LRP5: variants seen among roughly 807,000 people sequenced by gnomAD.
LRP5 encodes low-density lipoprotein receptor-related protein 5.
A neutral mutation model predicts 154.1 loss-of-function variants in LRP5; 62 were observed. That is an observed-to-expected ratio of 0.40 (90% CI 0.33 to 0.50). The LOEUF is 0.50. Among genes scored for constraint, LRP5 ranks in the 20% least tolerant of loss-of-function variants. LRP5 has a pLI of 0.55. For synonymous variants in LRP5, 966 were observed against 1,011.5 expected (o/e 0.96, Z 0.85); for missense variants, 1,915 against 2,336.7 (o/e 0.82, Z 3.72).
rs369936729 is a variant in LRP5 at position 68,414,035 on chromosome 11, C to T, written c.2827+23C>T. 8.2e-6 allele frequency: 13 copies of T among 1,594,868 alleles called. No homozygotes were observed. In the African/African-American group the frequency reaches 1.7e-4, roughly 21 times the overall value. ...GCCGTAAGTGCCTCATGGTCCCCCG[C>T]ACCTCACTCCCTCGTTAGATCAGGC... On this transcript the variant is annotated intron_variant, in intron 12 of 22. Transcript: ENST00000294304.
At position 68,386,666 on chromosome 11, in the gene LRP5, G is replaced by A; in HGVS notation, c.1366G>A (p.Glu456Lys). 1 of 1,613,526 alleles carries A rather than the reference G, an allele frequency of 6.2e-7. No individual in the cohort carries two copies. The highest frequency in any genetic ancestry group is 8.5e-7 in the Non-Finnish European group (1 of 1,179,944). ...CACCTCCCGCAAGATCCTGGTGTCG[G>A]AGGACCTGGACGAGCCCCGAGCCAT... ...NGTSRKILVS[E>K]DLDEPRAIAL... is the part of the protein sequence containing the mutation. Residue 456 changes from glutamate (E) to lysine (K), a missense_variant, in exon 6 of 23, where the codon GAG becomes AAG. Glu to Lys is a moderately conservative substitution (Grantham distance 56). Coordinates refer to ENST00000294304, the MANE Select transcript of LRP5 (RefSeq NM_002335.4). The surrounding 1 kb of genome is among the most constrained non-coding windows in gnomAD (Gnocchi z 7.9).
chr11:68,420,374 T>C (rs2098664891), intron 13 of LRP5, among the ~76,000 whole-genome samples: 1 of 152,204 alleles, frequency 6.6e-6, no homozygotes, highest in African/African-American at 2.4e-5. Flanking sequence ...TGTTATAGCC[T>C]GTGTCAGAAT....
At chr11:68,380,163 G>A (rs536549678) in intron 5 of LRP5, among the ~76,000 whole-genome samples, 4 of 152,214 alleles carry the variant, frequency 2.6e-5, no homozygotes, top group Non-Finnish European at 5.9e-5. Context: ...CTTCTTGTAC[G>A]AGGGTCATTT....
intron 17 of LRP5, among the ~76,000 whole-genome samples, chr11:68,430,452 G>A (rs765462571): frequency 2.6e-5 from 4 of 152,216 alleles, no homozygotes; most frequent in African/African-American, 4.8e-5. Flanking sequence ...GATTATAGGC[G>A]TGAGCCACTG....
intron 22 of LRP5, 80 bp from the exon 23 acceptor site, chr11:68,448,729 G>C: frequency 6.4e-7 from 1 of 1,565,776 alleles, no homozygotes; most frequent in Non-Finnish European, 8.7e-7. Context: ...GGCCTTTCCC[G>C]TTCACAGCCC....
intron 7 of LRP5, among the ~76,000 whole-genome samples, chr11:68,396,652 C>G (rs932823743): frequency 1.3e-5 from 2 of 152,204 alleles, no homozygotes; most frequent in African/African-American, 4.8e-5. Context: ...TGGGAGGCCC[C>G]TCCTGCTGGC....
intron 4 of LRP5, among the ~76,000 whole-genome samples, chr11:68,365,098 C>T (rs1245627333): frequency 6.6e-6 from 1 of 152,156 alleles, no homozygotes; most frequent in Non-Finnish European, 1.5e-5. Context: ...ACAAGACAAG[C>T]CTTTTGCCCA....
chr11:68,416,345 C>G lies in LRP5; in HGVS notation c.2845C>G (p.Leu949Val). Residue 949 changes from leucine to valine, a missense_variant, in exon 13 of 23, where the codon CTG becomes GTG. Coordinates refer to ENST00000294304, the MANE Select transcript of LRP5 (RefSeq NM_002335.4). ...RNCSPPTTFL[L>V]FSQKSAISRM... ...TCCTCTAGCGCCCACCACCTTCTTG[C>G]TGTTCAGCCAGAAATCTGCCATCAG... 2 of 1,614,124 alleles carry G rather than the reference C, an allele frequency of 1.2e-6. No individual in the cohort carries two copies. Among genetic ancestry groups the G allele is most frequent in the African/African-American group, 2.7e-5 (2 of 75,050 alleles).
chr11:68,337,203 G>A (rs1565326277), intron 1 of LRP5, among the ~76,000 whole-genome samples: 2 of 152,180 alleles, frequency 1.3e-5, no homozygotes, highest in Non-Finnish European at 2.9e-5. Flanking sequence ...CCTTGTTTTT[G>A]CACATCATGC....
intron 7 of LRP5, among the ~76,000 whole-genome samples, chr11:68,401,056 C>G (rs931917704): frequency 6.6e-6 from 1 of 152,146 alleles, no homozygotes; most frequent in Admixed American, 6.6e-5. Context: ...GGAAAGGGTT[C>G]GCCCGCTACT....
chr11:68,420,582 T>C (rs1391996194), intron 13 of LRP5, among the ~76,000 whole-genome samples: 1 of 151,952 alleles, frequency 6.6e-6, no homozygotes, highest in Non-Finnish European at 1.5e-5. Context: ...CGCGCACCTG[T>C]AATCCCAGTT....
In LRP5 at chr11:68,343,821, C is replaced by G. The variant is rs117064831; in HGVS notation, c.92-4026C>G. Among the ~76,000 whole-genome samples, 1,262 of 152,310 alleles carry G rather than the reference C, an allele frequency of 8.3e-3. 10 individuals are homozygous for G. The highest frequency in any genetic ancestry group is 0.014 in the Non-Finnish European group (927 of 68,020). On this transcript the variant is annotated intron_variant, in intron 1 of 22. Transcript: ENST00000294304. ...TGATTCCTGTGTGCCTGCAGACCCC[C>G]TCGCGGCTGCCATCTCATCCTTTGG... is the stretch of plus-strand genomic sequence containing the variant.
In LRP5 at chr11:68,439,783, C is replaced by T; in HGVS notation, c.4355C>T (p.Ala1452Val). ...GSQHGPFTGI[A>V]CGKSMMSSVS... ...CCCGTCCCTTCCCTGCCAGGCATCG[C>T]ATGCGGAAAGTCCATGATGAGCTCC... is the stretch of plus-strand genomic sequence containing the variant. Residue 1452 changes from alanine (A) to valine (V), a missense_variant, in exon 21 of 23, where the codon GCA becomes GTA. By Grantham distance (64) the Ala-to-Val change is moderately conservative (BLOSUM62 0). Coordinates refer to ENST00000294304, the MANE Select transcript of LRP5 (RefSeq NM_002335.4). The T allele has an allele frequency of 6.2e-7, 1 of 1,611,144 alleles. No individual in the cohort carries two copies. Among genetic ancestry groups the T allele is most frequent in the Non-Finnish European group, 8.5e-7 (1 of 1,179,440 alleles).
At chr11:68,388,774 C>G (rs2098644425) in intron 6 of LRP5, among the ~76,000 whole-genome samples, 1 of 152,194 alleles carries the variant, frequency 6.6e-6, no homozygotes, top group South Asian at 2.1e-4. Flanking sequence ...GGGAGATGAG[C>G]TCTTGGCCCC....
At position 68,410,721 on chromosome 11, in the gene LRP5, G is replaced by A. The variant is rs1005005242; in HGVS notation, c.2318+581G>A. On this transcript the variant is annotated intron_variant, in intron 10 of 22. Transcript: ENST00000294304. ...GGCCCTGCCTTGGGCACGGGGTTCAGACAGGCCCCAGATGTGTGGGGCGTC... is the reference window on the plus strand; with the variant it reads ...GGCCCTGCCTTGGGCACGGGGTTCAAACAGGCCCCAGATGTGTGGGGCGTC... 3.3e-5 allele frequency among the ~76,000 whole-genome samples: 5 copies of A among 152,302 alleles called. No individual in the cohort carries two copies. The East Asian group carries it at 7.7e-4, about 24-fold the overall frequency.
chr11:68,366,539 G>GGTGT (rs147979632), intron 5 of LRP5, among the ~76,000 whole-genome samples: 1 of 152,092 alleles, frequency 6.6e-6, no homozygotes, highest in Non-Finnish European at 1.5e-5. Context: ...CAGCGGCTGG[G>GGTGT]GTGTGTGTGT....
chr11:68,386,223 G>A lies in LRP5; in HGVS notation c.1016-93G>A, dbSNP rs1206397552. 2.3e-5 allele frequency: 35 copies of A among 1,511,564 alleles called. No individual in the cohort carries two copies. The highest frequency in any genetic ancestry group is 3.2e-5 in the Non-Finnish European group (35 of 1,102,150). 93.6% of individuals were successfully genotyped at this position (1,511,564 alleles called of 1,614,324 possible). Reference sequence around the variant, plus strand: ...TTGCAAGGAGAGCCCTGGGGGCCTGGCTGAGTATTTCCCTTGCCCGGCCCA... The same window carrying A: ...TTGCAAGGAGAGCCCTGGGGGCCTGACTGAGTATTTCCCTTGCCCGGCCCA... On this transcript the variant is annotated intron_variant, in intron 5 of 22. Coordinates refer to ENST00000294304, the MANE Select transcript of LRP5 (RefSeq NM_002335.4). This position sits in a 1 kb window ranked among gnomAD's most constrained non-coding sequence, Gnocchi z 7.9.
At chr11:68,376,223 C>T (rs1416087656) in intron 5 of LRP5, among the ~76,000 whole-genome samples, 3 of 140,840 alleles carry the variant, frequency 2.1e-5, no homozygotes, top group Non-Finnish European at 4.5e-5. Context: ...TCTCTGTCAC[C>T]TAGGCTGGAG....
chr11:68,347,799 T>G, intron 1 of LRP5, 48 bp from the exon 2 acceptor site: 1 of 1,607,928 alleles, frequency 6.2e-7, no homozygotes, highest in Non-Finnish European at 8.5e-7. Flanking sequence ...GGGCTGTGTA[T>G]CTTGCTGGCT....
Sources: gnomAD v4.1 joint callset for allele counts (sites outside exome capture counted in the v4.1 genomes callset) on GRCh38, gnomAD v4.1.1 for gene constraint, Gnocchi (gnomAD v3.1) non-coding constraint, MANE v1.5 for transcripts, NCBI Gene and HGNC (gene_info 2026-07-23, HGNC 2026-07-21) for gene names.